AATF: variants seen among roughly 807,000 people sequenced by gnomAD.
AATF encodes protein AATF.
In AATF, 48 loss-of-function variants were observed where a neutral mutation model predicts 63.7. The observed-to-expected ratio is 0.75, with a 90% CI of 0.60 to 0.96. AATF has a LOEUF of 0.96. AATF is among the 40% of genes least tolerant of loss of function. The probability of loss-of-function intolerance (pLI) is 0.00; values close to 1 mark genes in which losing one functional copy is unlikely to be tolerated. For synonymous variants in AATF, 258 were observed against 247.7 expected (o/e 1.04, Z -0.39); for missense variants, 639 against 685.7 (o/e 0.93, Z 0.76).
chr17:36,949,169 T>G lies in AATF; in HGVS notation c.44T>G (p.Leu15Trp), dbSNP rs760414667. ...QPLALQLEQL[L>W]NPRPSEADPE... ...CTGGCGCTGCAACTGGAACAGTTGTTGAACCCGCGACCAAGCGAGGCGGAC... is the reference window on the plus strand; with the variant it reads ...CTGGCGCTGCAACTGGAACAGTTGTGGAACCCGCGACCAAGCGAGGCGGAC... The change falls in exon 1 of 12, where the codon TTG becomes TGG. Residue 15 changes from leucine (L) to tryptophan (W), a missense_variant. By Grantham distance (61) the Leu-to-Trp change is moderately conservative (BLOSUM62 -2). Coordinates refer to ENST00000619387, the MANE Select transcript of AATF (RefSeq NM_012138.4). 5.2e-5 allele frequency: 83 copies of G among 1,592,622 alleles called. No individual in the cohort carries two copies. Among genetic ancestry groups the G allele is most frequent in the Non-Finnish European group, 6.7e-5 (79 of 1,171,434 alleles).
rs1051753735 is a variant in AATF at position 37,002,313 on chromosome 17, T to C, written c.1398+11456T>C. Among the ~76,000 whole-genome samples, 8 of 152,050 alleles carry C rather than the reference T, an allele frequency of 5.3e-5. No individual in the cohort carries two copies. The South Asian group carries it at 6.2e-4, about 12-fold the overall frequency. On this transcript the variant is annotated intron_variant, in intron 8 of 11. Coordinates refer to ENST00000619387, the MANE Select transcript of AATF (RefSeq NM_012138.4). ...ACAAAATGAATGCACAAAAATCAGT[T>C]GTGTTTCTGTATACCAGCAATGAAT...
At chr17:37,001,020 A>G (rs921767015) in intron 8 of AATF, among the ~76,000 whole-genome samples, 1 of 152,044 alleles carries the variant, frequency 6.6e-6, no homozygotes, top group Non-Finnish European at 1.5e-5. Flanking sequence ...CTAAAACATC[A>G]CAAAGAAGAA....
intron 3 of AATF, 119 bp from the exon 4 acceptor site, chr17:36,953,651 A>T (rs910043886): frequency 2.1e-6 from 2 of 959,962 alleles, no homozygotes; most frequent in African/African-American, 3.3e-5. Context: ...CATGGCATTA[A>T]ACTGCTAAAG....
intron 4 of AATF, among the ~76,000 whole-genome samples, chr17:36,970,092 G>C (rs1378074454): frequency 2.0e-5 from 3 of 152,118 alleles, no homozygotes; most frequent in African/African-American, 7.2e-5. Flanking sequence ...CATTTGTATA[G>C]ATGTTTTTAT....
chr17:37,056,519 G>A, intron 11 of AATF, 82 bp from the exon 12 acceptor site: 2 of 1,383,972 alleles, frequency 1.4e-6, no homozygotes, highest in South Asian at 2.4e-5. Context: ...AACAGAATGG[G>A]GTATTTTCCA....
intron 8 of AATF, among the ~76,000 whole-genome samples, chr17:37,008,935 T>G (rs563824652): frequency 4.6e-5 from 7 of 152,096 alleles, no homozygotes; most frequent in African/African-American, 7.2e-5. Flanking sequence ...AGGACCAACT[T>G]AAAGAGACTA....
At chr17:37,046,645 C>A (rs927677671) in intron 11 of AATF, among the ~76,000 whole-genome samples, 20 of 151,974 alleles carry the variant, frequency 1.3e-4, no homozygotes, top group African/African-American at 4.6e-4. Flanking sequence ...CTTGCCAAAA[C>A]TCTATGGGTT....
chr17:36,990,493 C>T (rs1303909251), intron 7 of AATF, among the ~76,000 whole-genome samples: 1 of 152,002 alleles, frequency 6.6e-6, no homozygotes, highest in African/African-American at 2.4e-5. Context: ...TAATTTCAGT[C>T]GTAGAGGTGA....
At chr17:37,027,916 A>G (rs1446642145) in intron 10 of AATF, among the ~76,000 whole-genome samples, 3 of 152,246 alleles carry the variant, frequency 2.0e-5, no homozygotes, top group Non-Finnish European at 4.4e-5. Flanking sequence ...AATAGTAATC[A>G]TACTTTCAGA....
At chr17:36,952,799 C>CA in intron 2 of AATF, 87 bp from the exon 3 acceptor site, 4 of 1,512,520 alleles carry the variant, frequency 2.6e-6, no homozygotes, top group Non-Finnish European at 3.5e-6. Flanking sequence ...CCTGATGCCA[C>CA]AGTGCTTAAG....
intron 7 of AATF, among the ~76,000 whole-genome samples, chr17:36,990,259 C>G (rs1343096795): frequency 6.6e-6 from 1 of 152,092 alleles, no homozygotes; most frequent in Non-Finnish European, 1.5e-5. Context: ...CTCATTTTTC[C>G]TAATGACCTC....
At chr17:37,015,689 A>AT in intron 8 of AATF, among the ~76,000 whole-genome samples, 1 of 152,240 alleles carries the variant, frequency 6.6e-6, no homozygotes, top group East Asian at 1.9e-4. Context: ...TTGAAATCTA[A>AT]TTTTGGGGGT....
At chr17:37,018,561 G>A (rs1342014503) in intron 8 of AATF, among the ~76,000 whole-genome samples, 1 of 152,208 alleles carries the variant, frequency 6.6e-6, no homozygotes, top group African/African-American at 2.4e-5. Context: ...AGACCTTCCT[G>A]ACTGTTGGAG....
rs1324094890 is a variant in AATF, at chr17:37,041,820, T to TA, written c.1619+10141dup. Among the ~76,000 whole-genome samples the TA allele has an allele frequency of 4.6e-5, 7 of 152,234 alleles. No homozygotes were observed. In the East Asian group the frequency reaches 1.3e-3, roughly 29 times the overall value. On this transcript the variant is annotated intron_variant, in intron 11 of 11. Coordinates refer to ENST00000619387, the MANE Select transcript of AATF (RefSeq NM_012138.4). ...ACACCCGGCCGGGAGAGCCATCTTT[T>TA]AAAAAATATTTCCTATTTAGATATA...
At chr17:36,973,691 A>G (rs1021803363) in intron 4 of AATF, among the ~76,000 whole-genome samples, 1 of 152,236 alleles carries the variant, frequency 6.6e-6, no homozygotes, top group Admixed American at 6.5e-5. Context: ...TAGGCAGGTA[A>G]GACCATTTTT....
intron 4 of AATF, among the ~76,000 whole-genome samples, chr17:36,965,044 A>G (rs948450229): frequency 1.3e-5 from 2 of 152,066 alleles, no homozygotes; most frequent in African/African-American, 4.8e-5. Context: ...CTCATTCCTC[A>G]TTGATGTATT....
intron 4 of AATF, among the ~76,000 whole-genome samples, chr17:36,959,669 G>A (rs951552185): frequency 3.3e-5 from 5 of 152,128 alleles, no homozygotes; most frequent in African/African-American, 9.7e-5. Context: ...ACCTTTTAGT[G>A]CAATGCATGT....
chr17:37,053,385 T>G (rs1202514085), intron 11 of AATF, among the ~76,000 whole-genome samples: 1 of 152,128 alleles, frequency 6.6e-6, no homozygotes, highest in African/African-American at 2.4e-5. Context: ...ACAATTAAAA[T>G]ATTTTCATTT....
At position 36,950,405 on chromosome 17, in the gene AATF, G is replaced by C; in HGVS notation, c.283G>C (p.Asp95His). The C allele has an allele frequency of 6.2e-7, 1 of 1,612,872 alleles. No homozygotes were observed. The highest frequency in any genetic ancestry group is 1.1e-5 in the South Asian group (1 of 91,028). The change falls in exon 2 of 12, where the codon GAT (aspartate) becomes CAT (histidine). Residue 95 changes from aspartate (D) to histidine (H), a missense_variant and splice_region_variant. Asp to His is a moderately conservative substitution (Grantham distance 81). Transcript: ENST00000619387. ...HWEQTLPGSS[D>H]EEISDEEGSG... ...GGAGCAGACTCTGCCAGGATCGTCT[G>C]GTGAGTAGACATTTTTGAATGGAAC...
Sources: gnomAD v4.1 joint callset for allele counts (sites outside exome capture counted in the v4.1 genomes callset) on GRCh38, gnomAD v4.1.1 for gene constraint, MANE v1.5 for transcripts, NCBI Gene and HGNC (gene_info 2026-07-23, HGNC 2026-07-21) for gene names.